Variants in NEURL1 observed in about 807,000 individuals in gnomAD.
The protein encoded by NEURL1 is E3 ubiquitin-protein ligase NEURL1.
NEURL1 carries 26 observed loss-of-function variants against 41.2 expected under a neutral mutation model. That is an observed-to-expected ratio of 0.63 (90% CI 0.46 to 0.87). The LOEUF is 0.87. Ranked by LOEUF, NEURL1 falls within the 40% of genes least tolerant of loss-of-function variation. The probability of loss-of-function intolerance (pLI) is 0.00; values close to 1 mark genes in which losing one functional copy is unlikely to be tolerated. For synonymous variants in NEURL1, 400 were observed against 402.3 expected (o/e 0.99, Z 0.07); for missense variants, 761 against 871.1 (o/e 0.87, Z 1.59).
chr10:103,557,821 G>A (rs2035190049), intron 1 of NEURL1, among the ~76,000 whole-genome samples: 1 of 152,224 alleles, frequency 6.6e-6, no homozygotes, highest in African/African-American at 2.4e-5. Context: ...GGGTGCCGTA[G>A]CCTGTAGCTG....
At chr10:103,505,676 C>T (rs1443042128) in intron 1 of NEURL1, among the ~76,000 whole-genome samples, 2 of 152,178 alleles carry the variant, frequency 1.3e-5, no homozygotes, top group East Asian at 3.9e-4. Context: ...GCCAGCTCTT[C>T]TGTATCTTAA....
intron 3 of NEURL1, among the ~76,000 whole-genome samples, chr10:103,574,114 C>T (rs1055823101): frequency 6.6e-6 from 1 of 151,856 alleles, no homozygotes; most frequent in Admixed American, 6.6e-5. Context: ...GGGTGGGGGA[C>T]GAATGGGAGG....
chr10:103,590,091 G>A (rs773760809), intron 5 of NEURL1, 43 bp from the exon 6 acceptor site: 1 of 1,585,734 alleles, frequency 6.3e-7, no homozygotes, highest in Non-Finnish European at 8.6e-7. Flanking sequence ...CCAGCGCCGG[G>A]TTGGGCCATG....
chr10:103,503,682 T>G (rs2033877069), intron 1 of NEURL1, among the ~76,000 whole-genome samples: 1 of 152,036 alleles, frequency 6.6e-6, no homozygotes, highest in South Asian at 2.1e-4. Flanking sequence ...GCTTACCCTT[T>G]AGTGGGAAGG....
At chr10:103,571,993 C>A (rs1315067014) in intron 3 of NEURL1, among the ~76,000 whole-genome samples, 171 bp downstream of exon 3, 3 of 152,206 alleles carry the variant, frequency 2.0e-5, no homozygotes, top group Admixed American at 6.5e-5. Context: ...GATCTCCTTT[C>A]CTCCAGGCCC....
At chr10:103,540,464 AT>A (rs35835539) in intron 1 of NEURL1, among the ~76,000 whole-genome samples, 56,808 of 151,736 alleles carry the variant, frequency 0.37, 11,931 homozygotes, top group East Asian at 0.67. Flanking sequence ...TAATTTTTGT[AT>A]TTTTAGTACA....
chr10:103,572,476 C>A (rs575247949), intron 3 of NEURL1, among the ~76,000 whole-genome samples: 1 of 152,354 alleles, frequency 6.6e-6, no homozygotes, highest in East Asian at 1.9e-4. Context: ...CCCTGGCCCC[C>A]AGCGTAAGTT....
chr10:103,579,891 A>T (rs1049589016), intron 3 of NEURL1, among the ~76,000 whole-genome samples: 4 of 152,008 alleles, frequency 2.6e-5, no homozygotes, highest in African/African-American at 7.3e-5. Context: ...GCAGTGAGTG[A>T]GCCTAGATCG....
At chr10:103,505,989 CCTT>C (rs1434285272) in intron 1 of NEURL1, among the ~76,000 whole-genome samples, 1 of 151,994 alleles carries the variant, frequency 6.6e-6, no homozygotes, top group Non-Finnish European at 1.5e-5. Context: ...GAGAGAGGGC[CCTT>C]CTTGGGATGG....
chr10:103,584,205 G>A (rs908187950), intron 3 of NEURL1, among the ~76,000 whole-genome samples: 5 of 152,178 alleles, frequency 3.3e-5, no homozygotes, highest in African/African-American at 9.7e-5. Flanking sequence ...GAGCCCAGGA[G>A]TTAAATTTTT....
chr10:103,528,361 A>C (rs1417671972), intron 1 of NEURL1, among the ~76,000 whole-genome samples: 2 of 151,746 alleles, frequency 1.3e-5, no homozygotes, highest in African/African-American at 4.8e-5. Context: ...TCTCAAAAGA[A>C]CAGAAAGAAA....
Position 103,585,104 on chromosome 10 carries a change from C to A in NEURL1, c.1218C>A (p.Asp406Glu), listed in dbSNP as rs1297661703. The A allele has an allele frequency of 6.3e-7, 1 of 1,589,808 alleles. No homozygotes were observed. The highest frequency in any genetic ancestry group is 1.1e-5 in the South Asian group (1 of 89,342). Residue 406 changes from aspartate (D) to glutamate (E), a missense_variant, in exon 4 of 6, where the codon GAC becomes GAA. Asp to Glu is a conservative substitution (Grantham distance 45). Around this residue, in one of 5 missense-constraint regions of NEURL1, gnomAD observed 443 missense variants for 408.1 expected, o/e 1.09. Coordinates refer to ENST00000369780, the MANE Select transcript of NEURL1 (RefSeq NM_004210.5). ...GDILGLVVNA[D>E]GELHLSHNGA... ...TCCTGGGCCTGGTGGTCAACGCCGA[C>A]GGCGAGCTGCACCTCAGCCACAATG...
intron 1 of NEURL1, among the ~76,000 whole-genome samples, chr10:103,519,348 C>A (rs2034292440): frequency 6.6e-6 from 1 of 152,256 alleles, no homozygotes; most frequent in African/African-American, 2.4e-5. Context: ...GCAGAGTCGT[C>A]TTGCTGCTTT....
intron 1 of NEURL1, among the ~76,000 whole-genome samples, chr10:103,519,120 G>A (rs905797548): frequency 2.6e-5 from 4 of 152,000 alleles, no homozygotes; most frequent in African/African-American, 9.7e-5. Flanking sequence ...GGTGGCGGGT[G>A]CCTGTAATCC....
chr10:103,518,705 C>T, intron 1 of NEURL1, among the ~76,000 whole-genome samples: 1 of 152,252 alleles, frequency 6.6e-6, no homozygotes, highest in African/African-American at 2.4e-5. Context: ...TGGGGAACAA[C>T]TCTATTCTGT....
chr10:103,494,310 A>G lies in NEURL1; in HGVS notation c.-78A>G. 8.0e-7 allele frequency: 1 copy of G among 1,243,276 alleles called. No individual in the cohort carries two copies. Among genetic ancestry groups the G allele is most frequent in the Non-Finnish European group, 1.1e-6 (1 of 904,074 alleles). 77.0% of individuals were successfully genotyped at this position (1,243,276 alleles called of 1,614,324 possible). On this transcript the variant is annotated 5_prime_UTR_variant, in exon 1 of 6. Coordinates refer to ENST00000369780, the MANE Select transcript of NEURL1 (RefSeq NM_004210.5). Reference sequence around the variant, plus strand: ...CCCGGTGGCGCGCACCCGCGCGCGCACACTCGCACACCGCACCTCAGCGCC... The same window carrying G: ...CCCGGTGGCGCGCACCCGCGCGCGCGCACTCGCACACCGCACCTCAGCGCC...
chr10:103,514,304 A>G (rs1436518721), intron 1 of NEURL1, among the ~76,000 whole-genome samples: 1 of 151,780 alleles, frequency 6.6e-6, no homozygotes, highest in Admixed American at 6.6e-5. Flanking sequence ...GTTGGTCAGG[A>G]TGGTCTCGAT....
chr10:103,514,387 C>T (rs1023862796), intron 1 of NEURL1, among the ~76,000 whole-genome samples: 2 of 152,126 alleles, frequency 1.3e-5, no homozygotes, highest in Non-Finnish European at 2.9e-5. Context: ...ACCGCGTCCC[C>T]GGGCTGGTTA....
At chr10:103,499,538 C>T (rs2033771664) in intron 1 of NEURL1, among the ~76,000 whole-genome samples, 1 of 151,534 alleles carries the variant, frequency 6.6e-6, no homozygotes, top group Non-Finnish European at 1.5e-5. Context: ...GATCTTGGCT[C>T]ATTGAAGCCT....
Sources: allele counts gnomAD v4.1 joint callset (sites outside exome capture counted in the v4.1 genomes callset), GRCh38; gene constraint gnomAD v4.1.1; regional missense constraint gnomAD v4.1.1; transcripts MANE v1.5; gene names NCBI Gene and HGNC (gene_info 2026-07-23, HGNC 2026-07-21).